GRID2: variants seen among roughly 807,000 people sequenced by gnomAD.
GRID2 encodes glutamate receptor ionotropic, delta-2.
Under a neutral mutation model 114.8 loss-of-function variants are expected in GRID2, and 33 were observed. The observed-to-expected ratio is 0.29, with a 90% CI of 0.22 to 0.38. The LOEUF (loss-of-function observed/expected upper bound fraction) is 0.38, where lower values mean the gene tolerates loss of function less well. Ranked by LOEUF, GRID2 falls within the 10% of genes least tolerant of loss-of-function variation. GRID2 has a pLI of 1.00. For synonymous variants in GRID2, 505 were observed against 449.9 expected, an observed-to-expected ratio of 1.12 and a Z score of -1.55; for missense variants, 1,184 against 1,257.7, an observed-to-expected ratio of 0.94 and a Z score of 0.89.
chr4:92,808,918 C>T (rs776430310), intron 2 of GRID2, among the ~76,000 whole-genome samples: 12 of 151,502 alleles, frequency 7.9e-5, no homozygotes, highest in Non-Finnish European at 1.5e-4. Flanking sequence ...GACAGTCACT[C>T]AAAGGATATC....
chr4:93,258,962 G>A lies in GRID2; in HGVS notation c.1245+20472G>A, dbSNP rs188766800. 659 of 455,012 alleles carry A rather than the reference G, an allele frequency of 1.4e-3. 4 individuals are homozygous for A. Among genetic ancestry groups the A allele is most frequent in the African/African-American group, 0.012 (604 of 50,104 alleles). 28.2% of individuals were successfully genotyped at this position (455,012 alleles called of 1,614,324 possible). The stretch of plus-strand genomic sequence containing the variant: ...GCCCCAGGTGAGGAATATTAATAAG[G>A]ACTGATGTGCTGACTAGAGTACCAC... On this transcript the variant is annotated intron_variant, in intron 8 of 15. Transcript: ENST00000282020.
chr4:92,815,022 G>C (rs1740824178), intron 2 of GRID2, among the ~76,000 whole-genome samples: 1 of 152,048 alleles, frequency 6.6e-6, no homozygotes, highest in Admixed American at 6.6e-5. Flanking sequence ...GGGTGGATTT[G>C]GATGTGATAA....
intron 14 of GRID2, among the ~76,000 whole-genome samples, chr4:93,766,407 G>A (rs1346722004): frequency 6.6e-6 from 1 of 152,172 alleles, no homozygotes; most frequent in Non-Finnish European, 1.5e-5. Flanking sequence ...CAGATCTCGT[G>A]AGACTCACTA....
At chr4:92,396,742 C>T (rs1730509859) in intron 1 of GRID2, among the ~76,000 whole-genome samples, 1 of 151,928 alleles carries the variant, frequency 6.6e-6, no homozygotes, top group South Asian at 2.1e-4. Flanking sequence ...TATTATCATC[C>T]AGGAGAAGTC....
At chr4:93,028,044 T>C (rs999117311) in intron 2 of GRID2, among the ~76,000 whole-genome samples, 7 of 152,170 alleles carry the variant, frequency 4.6e-5, no homozygotes, top group African/African-American at 1.4e-4. Context: ...ATGTTCCTGC[T>C]GCATACTTTC....
At chr4:92,417,197 A>G (rs1400301335) in intron 1 of GRID2, among the ~76,000 whole-genome samples, 2 of 152,184 alleles carry the variant, frequency 1.3e-5, no homozygotes, top group Non-Finnish European at 2.9e-5. Flanking sequence ...AAATGGGAAA[A>G]TAATACACAA....
At chr4:92,932,542 A>G (rs1750324787) in intron 2 of GRID2, among the ~76,000 whole-genome samples, 1 of 151,296 alleles carries the variant, frequency 6.6e-6, no homozygotes, top group South Asian at 2.1e-4. Flanking sequence ...CCTAAAATCA[A>G]GCAACCCCAT....
In GRID2 at chr4:92,308,157, A is replaced by T. The variant is rs139698948; in HGVS notation, c.88+3413A>T. On this transcript the variant is annotated intron_variant, in intron 1 of 15. Coordinates refer to ENST00000282020, the MANE Select transcript of GRID2 (RefSeq NM_001510.4). ...TACTCCCTAAACACAACAGGAGTTT[A>T]GAGCACTGCTTTAATTCAGCAGGGA... Among the ~76,000 whole-genome samples, 219 of 152,334 alleles carry T rather than the reference A, an allele frequency of 1.4e-3. 6 individuals are homozygous for T. The East Asian group carries it at 0.035, about 24-fold the overall frequency.
chr4:93,770,490 T>C (rs886622775), intron 15 of GRID2, among the ~76,000 whole-genome samples: 1 of 152,208 alleles, frequency 6.6e-6, no homozygotes, highest in African/African-American at 2.4e-5. Context: ...AGTGTAAGGA[T>C]TCCTTCTTAT....
In GRID2 at chr4:92,653,249, T is replaced by G. The variant is rs557116571; in HGVS notation, c.244+62963T>G. 2.2e-3 allele frequency among the ~76,000 whole-genome samples: 326 copies of G among 150,182 alleles called. 2 individuals carry two copies. The highest frequency in any genetic ancestry group is 7.7e-3 in the African/African-American group (317 of 40,982). ...TCCTGATCTCGTGATCCAGCCCCGC[T>G]CGGCCTCCCAAAGTGCTAGGATTAC... On this transcript the variant is annotated intron_variant, in intron 2 of 15. Transcript: ENST00000282020.
At chr4:92,889,268 G>A (rs1477399940) in intron 2 of GRID2, among the ~76,000 whole-genome samples, 5 of 152,106 alleles carry the variant, frequency 3.3e-5, no homozygotes, top group Non-Finnish European at 7.4e-5. Flanking sequence ...TCTGGCCAGG[G>A]CAATCAGGCA....
At chr4:93,276,286 C>A (rs1248344746) in intron 8 of GRID2, among the ~76,000 whole-genome samples, 2 of 151,936 alleles carry the variant, frequency 1.3e-5, no homozygotes, top group Non-Finnish European at 2.9e-5. Context: ...TTTCTGAACT[C>A]TTAATTCAAT....
intron 2 of GRID2, among the ~76,000 whole-genome samples, chr4:92,826,834 A>G (rs898283541): frequency 1.3e-5 from 2 of 152,084 alleles, no homozygotes. Flanking sequence ...AGACTTAGGC[A>G]ATCTGATTTT....
chr4:93,596,027 G>C (rs1739046091), intron 13 of GRID2, among the ~76,000 whole-genome samples: 1 of 152,126 alleles, frequency 6.6e-6, no homozygotes, highest in Non-Finnish European at 1.5e-5. Flanking sequence ...TAAATTATTT[G>C]TTTATTCTAC....
At chr4:93,192,747 CAA>C (rs775968274) in intron 4 of GRID2, among the ~76,000 whole-genome samples, 513 of 43,698 alleles carry the variant, frequency 0.012, 2 homozygotes, top group African/African-American at 0.037. Context: ...AACTCCATCT[CAA>C]AAAAAAAAAA....
Position 92,606,532 on chromosome 4 carries a change from A to G in GRID2, c.244+16246A>G, listed in dbSNP as rs190545328. Among the ~76,000 whole-genome samples the G allele has an allele frequency of 1.1e-4, 16 of 152,042 alleles. 1 individual carries two copies. The East Asian group carries it at 3.1e-3, about 30-fold the overall frequency. On this transcript the variant is annotated intron_variant, in intron 2 of 15. Transcript: ENST00000282020. ...TGTGTGGTTGTCTTAAGCTGACTGT[A>G]CCTCAAACAAAATTGATGTATCTCT...
intron 4 of GRID2, among the ~76,000 whole-genome samples, chr4:93,200,101 A>G (rs993232729): frequency 1.6e-4 from 25 of 152,218 alleles, no homozygotes; most frequent in Non-Finnish European, 2.9e-4. Context: ...TATAGTTTGA[A>G]CTGTAAATCC....
In GRID2 at chr4:92,754,684, C is replaced by T. The variant is rs574039810; in HGVS notation, c.244+164398C>T. Reference sequence around the variant, plus strand: ...AGCTTTGATGTGTTTAAATACCCTTCTTGAACCAGTGTATTTTGAAATGGT... The same window carrying T: ...AGCTTTGATGTGTTTAAATACCCTTTTTGAACCAGTGTATTTTGAAATGGT... On this transcript the variant is annotated intron_variant, in intron 2 of 15. Coordinates refer to ENST00000282020, the MANE Select transcript of GRID2 (RefSeq NM_001510.4). Among the ~76,000 whole-genome samples, 5 of 152,228 alleles carry T rather than the reference C, an allele frequency of 3.3e-5. 1 individual carries two copies. Among genetic ancestry groups the T allele is most frequent in the African/African-American group, 7.2e-5 (3 of 41,544 alleles).
chr4:93,199,327 T>A (rs978987404), intron 4 of GRID2, among the ~76,000 whole-genome samples: 1 of 152,166 alleles, frequency 6.6e-6, no homozygotes, highest in Non-Finnish European at 1.5e-5. Context: ...TAATCACTGT[T>A]CAATCTTTGT....
Sources: allele counts gnomAD v4.1 joint callset (sites outside exome capture counted in the v4.1 genomes callset), GRCh38; gene constraint gnomAD v4.1.1; transcripts MANE v1.5; gene names NCBI Gene and HGNC (gene_info 2026-07-23, HGNC 2026-07-21).